The following EXOC6B variants were observed in gnomAD, a reference collection of about 807,000 sequenced individuals.
EXOC6B encodes the protein exocyst complex component 6B, also known as SEC15 homolog B.
In EXOC6B, 54 loss-of-function variants were observed where a neutral mutation model predicts 113.5. That is an observed-to-expected ratio of 0.48 (90% CI 0.38 to 0.60). EXOC6B has a LOEUF of 0.60. Among genes scored for constraint, EXOC6B ranks in the 20% least tolerant of loss-of-function variants. EXOC6B has a pLI of 0.00. For synonymous variants in EXOC6B, 357 were observed against 339.0 expected (o/e 1.05, Z -0.58); for missense variants, 797 against 977.5 (o/e 0.82, Z 2.46).
At chr2:72,254,923 T>C (rs1683262903) in intron 20 of EXOC6B, among the ~76,000 whole-genome samples, 1 of 152,110 alleles carries the variant, frequency 6.6e-6, no homozygotes, top group African/African-American at 2.4e-5. Context: ...AGAAAAGAGA[T>C]AAATTGAAAA....
At chr2:72,685,493 G>A (rs758131421) in intron 6 of EXOC6B, among the ~76,000 whole-genome samples, 78 of 152,062 alleles carry the variant, frequency 5.1e-4, no homozygotes, top group Non-Finnish European at 8.1e-4. Flanking sequence ...CAATCAGAGT[G>A]ACTACACTTC....
intron 20 of EXOC6B, among the ~76,000 whole-genome samples, chr2:72,254,655 G>A (rs1270911283): frequency 6.6e-6 from 1 of 152,182 alleles, no homozygotes; most frequent in Non-Finnish European, 1.5e-5. Flanking sequence ...GTAAACTTTT[G>A]CGGCAAGTGA....
chr2:72,299,525 A>G (rs1445096827), intron 20 of EXOC6B, among the ~76,000 whole-genome samples: 1 of 151,862 alleles, frequency 6.6e-6, no homozygotes, highest in Non-Finnish European at 1.5e-5. Flanking sequence ...TACTTCTGTC[A>G]ATTTGTCAAA....
At chr2:72,465,619 T>C (rs1698000996) in intron 17 of EXOC6B, among the ~76,000 whole-genome samples, 1 of 152,206 alleles carries the variant, frequency 6.6e-6, no homozygotes, top group Admixed American at 6.5e-5. Context: ...TGATATACAC[T>C]AGCATATTAA....
chr2:72,565,160 G>A (rs369468711), intron 7 of EXOC6B, among the ~76,000 whole-genome samples: 1 of 152,030 alleles, frequency 6.6e-6, no homozygotes, highest in Non-Finnish European at 1.5e-5. Flanking sequence ...AGACCAGCCT[G>A]TGCAACATGA....
chr2:72,433,542 G>A (rs150731154), intron 18 of EXOC6B, among the ~76,000 whole-genome samples: 2 of 152,254 alleles, frequency 1.3e-5, no homozygotes, highest in East Asian at 3.9e-4. Context: ...CCATAAGCAT[G>A]GAATGTGTTT....
chr2:72,479,275 A>C (rs1698933398), intron 17 of EXOC6B, among the ~76,000 whole-genome samples: 1 of 152,240 alleles, frequency 6.6e-6, no homozygotes, highest in African/African-American at 2.4e-5. Context: ...AGATACATAA[A>C]GAATACTTTC....
chr2:72,526,746 A>T (rs974237767), intron 8 of EXOC6B, among the ~76,000 whole-genome samples: 2 of 152,158 alleles, frequency 1.3e-5, no homozygotes, highest in Non-Finnish European at 1.5e-5. Flanking sequence ...TAAATATTAG[A>T]TCTATATCTG....
chr2:72,640,359 G>T (rs577601191), intron 6 of EXOC6B, among the ~76,000 whole-genome samples: 2 of 152,166 alleles, frequency 1.3e-5, no homozygotes, highest in South Asian at 2.1e-4. Context: ...AAGAAATACG[G>T]GATTATGTAA....
intron 5 of EXOC6B, among the ~76,000 whole-genome samples, chr2:72,721,332 G>C (rs1038347829): frequency 6.4e-5 from 1 of 15,556 alleles, no homozygotes; most frequent in African/African-American, 3.1e-4. Context: ...CCATCTCAAA[G>C]AAAAAAGGTT....
intron 6 of EXOC6B, among the ~76,000 whole-genome samples, chr2:72,646,993 A>G (rs1236724804): frequency 1.3e-5 from 2 of 152,194 alleles, no homozygotes; most frequent in African/African-American, 4.8e-5. Context: ...TTCAATTAGG[A>G]AAAGAGGAAG....
intron 20 of EXOC6B, among the ~76,000 whole-genome samples, chr2:72,319,260 A>G (rs555371085): frequency 2.6e-5 from 4 of 152,242 alleles, no homozygotes. Flanking sequence ...TGCTTAACGG[A>G]CAAAGGGCAT....
chr2:72,362,201 T>C (rs1558592228), intron 19 of EXOC6B, among the ~76,000 whole-genome samples: 1 of 152,152 alleles, frequency 6.6e-6, no homozygotes, highest in African/African-American at 2.4e-5. Flanking sequence ...TTTTCATGGA[T>C]CCAGTTCATA....
At chr2:72,644,982 A>T (rs1320715674) in intron 6 of EXOC6B, among the ~76,000 whole-genome samples, 1 of 152,212 alleles carries the variant, frequency 6.6e-6, no homozygotes, top group Admixed American at 6.5e-5. Flanking sequence ...CACTTAAAAG[A>T]CACAGACTGG....
chr2:72,714,471 A>C (rs902972104), intron 6 of EXOC6B, among the ~76,000 whole-genome samples: 1 of 152,220 alleles, frequency 6.6e-6, no homozygotes, highest in Non-Finnish European at 1.5e-5. Flanking sequence ...TGCTTTTGGC[A>C]AGGTAGTGCA....
chr2:72,552,412 A>C (rs1377545006), intron 8 of EXOC6B, among the ~76,000 whole-genome samples: 2 of 151,550 alleles, frequency 1.3e-5, no homozygotes, highest in African/African-American at 2.4e-5. Flanking sequence ...GGAAAAATGC[A>C]TATTATTGCA....
chr2:72,760,046 GATAA>G (rs1002829242), intron 1 of EXOC6B, among the ~76,000 whole-genome samples: 6 of 152,162 alleles, frequency 3.9e-5, no homozygotes, highest in Non-Finnish European at 7.3e-5. Flanking sequence ...AACCAAGTGA[GATAA>G]ATTTTAGGTC....
intron 18 of EXOC6B, among the ~76,000 whole-genome samples, chr2:72,457,542 T>C (rs1460027749): frequency 6.6e-6 from 1 of 152,120 alleles, no homozygotes; most frequent in Admixed American, 6.6e-5. Context: ...TTCAGGATTC[T>C]ATCTTCTGGG....
chr2:72,495,219 T>C (rs998980274), intron 15 of EXOC6B, among the ~76,000 whole-genome samples: 9 of 152,144 alleles, frequency 5.9e-5, no homozygotes, highest in African/African-American at 2.2e-4. Flanking sequence ...AAGAATAAGA[T>C]AGATAATATA....
Sources: allele counts gnomAD v4.1 joint callset (sites outside exome capture counted in the v4.1 genomes callset), GRCh38; gene constraint gnomAD v4.1.1; transcripts MANE v1.5; gene names NCBI Gene and HGNC (gene_info 2026-07-23, HGNC 2026-07-21).